The following DLC1 variants were observed in gnomAD, a reference collection of about 807,000 sequenced individuals.
DLC1 encodes rho GTPase-activating protein 7.
Under a neutral mutation model 140.3 loss-of-function variants are expected in DLC1, and 54 were observed. That is an observed-to-expected ratio of 0.38 (90% CI 0.31 to 0.48). The LOEUF (loss-of-function observed/expected upper bound fraction) is 0.48. Among genes scored for constraint, DLC1 ranks in the 20% least tolerant of loss-of-function variants. DLC1 has a pLI of 0.96. For synonymous variants in DLC1, 986 were observed against 728.1 expected, an observed-to-expected ratio of 1.35 and a Z score of -5.70; for missense variants, 2,536 against 1,907.0, an observed-to-expected ratio of 1.33 and a Z score of -6.14.
At chr8:13,341,740 C>G (rs1001907552) in intron 4 of DLC1, 2 of 152,180 alleles carry the variant, frequency 1.3e-5, no homozygotes, top group Non-Finnish European at 2.9e-5. Context: ...ATGCAAGGTG[C>G]TTTTTAAACA....
chr8:13,491,490 T>G (rs951684351), intron 2 of DLC1, among the ~76,000 whole-genome samples: 1 of 152,170 alleles, frequency 6.6e-6, no homozygotes, highest in Non-Finnish European at 1.5e-5. Flanking sequence ...TACATAAAAT[T>G]AAATGATAAA....
intron 1 of DLC1, among the ~76,000 whole-genome samples, chr8:13,547,867 A>C (rs1803705506): frequency 7.0e-6 from 1 of 143,600 alleles, no homozygotes; most frequent in Admixed American, 7.1e-5. Context: ...TCTTGCACCC[A>C]TTTCACGCGT....
At chr8:13,276,357 G>C in intron 5 of DLC1, 2 of 1,523,150 alleles carry the variant, frequency 1.3e-6, no homozygotes, top group Non-Finnish European at 1.8e-6. Flanking sequence ...CCGGAGAGGG[G>C]CTCGCAGGGG....
At chr8:13,086,254 C>T (rs1372206987) in intron 17 of DLC1, 36 bp downstream of exon 17, 1 of 1,598,868 alleles carries the variant, frequency 6.3e-7, no homozygotes, top group Non-Finnish European at 8.5e-7. Flanking sequence ...TCCTTCATGA[C>T]CCTCACCATA....
chr8:13,489,288 C>T (rs148390072), intron 2 of DLC1, among the ~76,000 whole-genome samples: 61 of 152,058 alleles, frequency 4.0e-4, no homozygotes, highest in African/African-American at 1.2e-3. Context: ...CTCAGATGTC[C>T]ATGTGGGTTG....
At chr8:13,594,454 A>T (rs543666412) in intron 1 of DLC1, among the ~76,000 whole-genome samples, 90 of 152,148 alleles carry the variant, frequency 5.9e-4, no homozygotes, top group Admixed American at 1.4e-3. Flanking sequence ...TCCTCATTTT[A>T]TTGGATTCTC....
chr8:13,180,513 C>T (rs1825972218), intron 5 of DLC1, among the ~76,000 whole-genome samples: 1 of 152,032 alleles, frequency 6.6e-6, no homozygotes, highest in Non-Finnish European at 1.5e-5. Flanking sequence ...AAACTAAGCA[C>T]TTGAAGAAGC....
At chr8:13,599,300 T>C (rs565873181) in intron 1 of DLC1, among the ~76,000 whole-genome samples, 15 of 152,020 alleles carry the variant, frequency 9.9e-5, no homozygotes, top group Admixed American at 8.5e-4. Context: ...ATAATGAACA[T>C]TTGGATAAAA....
chr8:13,415,214 T>C (rs1837995603), intron 2 of DLC1, among the ~76,000 whole-genome samples: 3 of 152,146 alleles, frequency 2.0e-5, no homozygotes, highest in Admixed American at 1.3e-4. Flanking sequence ...TTTAAGTGAT[T>C]TACTAGTATT....
At chr8:13,237,765 G>A (rs1829357243) in intron 5 of DLC1, among the ~76,000 whole-genome samples, 1 of 152,084 alleles carries the variant, frequency 6.6e-6, no homozygotes, top group African/African-American at 2.4e-5. Flanking sequence ...CTAGTATGCT[G>A]CTGGCTTTTC....
chr8:13,316,045 A>C (rs571693183), intron 4 of DLC1, among the ~76,000 whole-genome samples: 51 of 152,288 alleles, frequency 3.3e-4, no homozygotes, highest in African/African-American at 1.2e-3. Context: ...TTCGGATGTA[A>C]TCTAACCAAC....
intron 2 of DLC1, among the ~76,000 whole-genome samples, chr8:13,409,189 T>C (rs1837685632): frequency 6.6e-6 from 1 of 152,154 alleles, no homozygotes; most frequent in Non-Finnish European, 1.5e-5. Context: ...CCTTAATATT[T>C]TATAGCTGCA....
rs146968946 is a variant in DLC1 at position 13,357,327 on chromosome 8, C to T, written c.1314+36226G>A. Among the ~76,000 whole-genome samples the T allele has an allele frequency of 5.1e-3, 773 of 152,334 alleles. 4 individuals carry two copies. Among genetic ancestry groups the T allele is most frequent in the Non-Finnish European group, 7.5e-3 (510 of 68,032 alleles). On this transcript the variant is annotated intron_variant, in intron 4 of 17. Transcript: ENST00000276297. Reference sequence around the variant, plus strand: ...GATTACATCCAAATTCACTGTTTGACACCTATGTGTTTCAGATGCACCATG... The same window carrying T: ...GATTACATCCAAATTCACTGTTTGATACCTATGTGTTTCAGATGCACCATG...
intron 1 of DLC1, among the ~76,000 whole-genome samples, chr8:13,594,430 G>T (rs2117481714): frequency 6.6e-6 from 1 of 151,974 alleles, no homozygotes; most frequent in Non-Finnish European, 1.5e-5. Flanking sequence ...CCTTGCTTCT[G>T]TTACTACTAT....
chr8:13,496,441 A>G (rs1213465273), intron 2 of DLC1, among the ~76,000 whole-genome samples: 1 of 152,114 alleles, frequency 6.6e-6, no homozygotes. Flanking sequence ...GTAAAAAGTG[A>G]AAACCCCTCC....
rs187437062 is a variant in DLC1, at chr8:13,159,171, C to T, written c.1349-43514G>A. Among the ~76,000 whole-genome samples, 268 of 152,228 alleles carry T rather than the reference C, an allele frequency of 1.8e-3. 1 individual carries two copies. Among genetic ancestry groups the T allele is most frequent in the African/African-American group, 5.6e-3 (232 of 41,556 alleles). On this transcript the variant is annotated intron_variant, in intron 5 of 17. Coordinates refer to ENST00000276297, the MANE Select transcript of DLC1 (RefSeq NM_182643.3). Reference sequence around the variant, plus strand: ...TAGGCCTCTAAATCAAATACCAGTACGGTGGCAGGAGCCCAAGAAACTGTA... The same window carrying T: ...TAGGCCTCTAAATCAAATACCAGTATGGTGGCAGGAGCCCAAGAAACTGTA...
At chr8:13,108,152 T>C (rs34339510) in intron 7 of DLC1, among the ~76,000 whole-genome samples, 54,743 of 152,078 alleles carry the variant, frequency 0.36, 12,196 homozygotes, top group South Asian at 0.51. Context: ...ATCATTTTCA[T>C]GAAAAGTCCA....
intron 5 of DLC1, among the ~76,000 whole-genome samples, chr8:13,122,056 A>T (rs78382043): frequency 8.6e-5 from 13 of 151,914 alleles, no homozygotes; most frequent in Non-Finnish European, 1.0e-4. Flanking sequence ...CAGCCTCCTC[A>T]CGGAACTCTG....
intron 2 of DLC1, among the ~76,000 whole-genome samples, chr8:13,450,361 A>T (rs1798983124): frequency 6.7e-6 from 1 of 149,906 alleles, no homozygotes; most frequent in African/African-American, 2.5e-5. Flanking sequence ...AAGCTGAGGC[A>T]CGAGAATCAC....
Sources: gnomAD v4.1 joint callset for allele counts (sites outside exome capture counted in the v4.1 genomes callset) on GRCh38, gnomAD v4.1.1 for gene constraint, MANE v1.5 for transcripts, NCBI Gene and HGNC (gene_info 2026-07-23, HGNC 2026-07-21) for gene names.